Variants in CACHD1 observed in about 807,000 individuals in gnomAD.
CACHD1 encodes the protein cache domain containing 1.
Under a neutral mutation model 138.7 loss-of-function variants are expected in CACHD1, and 71 were observed. The observed-to-expected ratio is 0.51, with a 90% CI of 0.42 to 0.62. The LOEUF (loss-of-function observed/expected upper bound fraction) is 0.62. Among genes scored for constraint, CACHD1 ranks in the 20% least tolerant of loss-of-function variants. CACHD1 has a pLI of 0.00. For synonymous variants in CACHD1, 578 were observed against 591.5 expected (o/e 0.98, Z 0.33); for missense variants, 1,389 against 1,625.3 (o/e 0.85, Z 2.50).
intron 21 of CACHD1, 24 bp downstream of exon 21, chr1:64,676,007 A>G (rs1244368499): frequency 3.4e-6 from 1 of 295,302 alleles, no homozygotes; most frequent in Non-Finnish European, 4.4e-6. Flanking sequence ...TAATAATAAT[A>G]ATAATAATAA....
chr1:64,666,672 T>G (rs1322735654), intron 16 of CACHD1, among the ~76,000 whole-genome samples: 1 of 151,278 alleles, frequency 6.6e-6, no homozygotes, highest in Admixed American at 6.6e-5. Context: ...AGACCAGGAG[T>G]TCCGGACCAG....
At chr1:64,630,864 T>C (rs1037723407) in intron 5 of CACHD1, among the ~76,000 whole-genome samples, 33 of 152,248 alleles carry the variant, frequency 2.2e-4, no homozygotes, top group African/African-American at 8.0e-4. Context: ...CGGAAAGTTT[T>C]CATGTATCTC....
At chr1:64,488,010 T>G (rs970199560) in intron 1 of CACHD1, among the ~76,000 whole-genome samples, 23 of 152,180 alleles carry the variant, frequency 1.5e-4, no homozygotes, top group African/African-American at 5.5e-4. Flanking sequence ...AAGTTTCAAT[T>G]CTTTGACCAA....
rs763403582 is a variant in CACHD1 at position 64,647,987 on chromosome 1, T to C, written c.1343T>C (p.Ile448Thr). ...RFYTNLPNRMIDEAVFSLPFS... is the reference protein window; with the variant it reads ...RFYTNLPNRMTDEAVFSLPFS... Reference sequence around the variant, plus strand: ...TACACAAACCTTCCCAACCGGATGATTGATGAAGCCGTCTTCAGCCTGCCC... The same window carrying C: ...TACACAAACCTTCCCAACCGGATGACTGATGAAGCCGTCTTCAGCCTGCCC... The change falls in exon 9 of 27, where the codon ATT (isoleucine) becomes ACT (threonine). Residue 448 changes from isoleucine (I) to threonine (T), a missense_variant. Coordinates refer to ENST00000651257, the MANE Select transcript of CACHD1 (RefSeq NM_020925.4). 10 of 1,614,010 alleles carry C rather than the reference T, an allele frequency of 6.2e-6. No homozygotes were observed. The highest frequency in any genetic ancestry group is 7.6e-6 in the Non-Finnish European group (9 of 1,179,974).
chr1:64,664,739 A>G, intron 15 of CACHD1, 60 bp downstream of exon 15: 1 of 1,485,700 alleles, frequency 6.7e-7, no homozygotes, highest in Non-Finnish European at 9.2e-7. Flanking sequence ...GAGACATGGT[A>G]AGTACATACA....
chr1:64,691,492 C>T lies in CACHD1; in HGVS notation c.3756C>T (p.His1252=). Residue 1252 remains histidine, a synonymous_variant, in exon 27 of 27, where the codon CAC becomes CAT. Transcript: ENST00000651257. ...AGTTCCACCACTACCGGTCACACCA[C>T]CCTACACTTCATCATAGCCACCACT... ...SHKFHHYRSH[H]PTLHHSHHLQ... The T allele has an allele frequency of 1.2e-6, 2 of 1,614,136 alleles. No individual in the cohort carries two copies. The highest frequency in any genetic ancestry group is 1.7e-6 in the Non-Finnish European group (2 of 1,180,018).
At chr1:64,552,638 T>C (rs1048305464) in intron 2 of CACHD1, among the ~76,000 whole-genome samples, 5 of 152,042 alleles carry the variant, frequency 3.3e-5, no homozygotes, top group African/African-American at 9.7e-5. Context: ...CATGCCCGGC[T>C]GATTTTTTGT....
At chr1:64,505,015 T>A (rs1315340530) in intron 1 of CACHD1, among the ~76,000 whole-genome samples, 1 of 152,200 alleles carries the variant, frequency 6.6e-6, no homozygotes, top group East Asian at 1.9e-4. Flanking sequence ...GACCAAGACT[T>A]CCAAACTTTT....
intron 8 of CACHD1, among the ~76,000 whole-genome samples, chr1:64,643,590 A>C (rs111303300): frequency 0.067 from 10,224 of 152,258 alleles, 442 homozygotes; most frequent in East Asian, 0.23. Context: ...TAATCCCAGC[A>C]CTTTGGGAGG....
chr1:64,552,681 G>A (rs918872284), intron 2 of CACHD1, among the ~76,000 whole-genome samples: 3 of 152,100 alleles, frequency 2.0e-5, no homozygotes, highest in Non-Finnish European at 4.4e-5. Flanking sequence ...GTCTTGCCAT[G>A]TTGCCCAGGC....
chr1:64,613,829 C>T (rs1647612717), intron 4 of CACHD1, among the ~76,000 whole-genome samples: 1 of 152,168 alleles, frequency 6.6e-6, no homozygotes, highest in Non-Finnish European at 1.5e-5. Flanking sequence ...CTAAGTTTAG[C>T]CAGCTTCCCA....
At position 64,470,767 on chromosome 1, in the gene CACHD1, A is replaced by T; in HGVS notation, c.23A>T (p.Glu8Val). The T allele has an allele frequency of 1.2e-6, 1 of 807,216 alleles. No homozygotes were observed. The highest frequency in any genetic ancestry group is 1.9e-6 in the Non-Finnish European group (1 of 523,916). 50.0% of individuals were successfully genotyped at this position (807,216 alleles called of 1,614,324 possible). A position where few individuals can be genotyped will look rare whatever the true frequency, so the allele number is the denominator to read the frequency against. The change falls in exon 1 of 27, where the codon GAG becomes GTG. Residue 8 changes from glutamate to valine, a missense_variant. By Grantham distance (121) the Glu-to-Val change is moderately radical. This residue lies in a region of CACHD1 where 1,000 missense variants were observed against 1,114.7 expected (regional missense o/e 0.90). Coordinates refer to ENST00000651257, the MANE Select transcript of CACHD1 (RefSeq NM_020925.4). This position sits in a 1 kb window ranked among gnomAD's most constrained non-coding sequence, Gnocchi z 5.2. Reference protein sequence around the residue: MARQPEEEETAVARARRP... With the variant: MARQPEEVETAVARARRP... ...AGCATGGCCCGCCAGCCGGAGGAAG[A>T]GGAGACGGCCGTGGCCCGGGCGCGG...
At position 64,678,238 on chromosome 1, in the gene CACHD1, G is replaced by T. The variant is rs747929596; in HGVS notation, c.3172G>T (p.Ala1058Ser). 1 of 1,611,720 alleles carries T rather than the reference G, an allele frequency of 6.2e-7. No homozygotes were observed. The highest frequency in any genetic ancestry group is 1.1e-5 in the South Asian group (1 of 90,438). The change falls in exon 23 of 27, where the codon GCC (alanine) becomes TCC (serine). Residue 1058 changes from alanine to serine, a missense_variant. Ala to Ser is a moderately conservative substitution (Grantham distance 99). This residue lies in a region of CACHD1 where 250 missense variants were observed against 292.9 expected (regional missense o/e 0.85). Transcript: ENST00000651257. ...GACTCACCTGGACAAACCCTACTGT[G>T]CCCCCCAGAAAGAATGCTTCGGGGG... ...GKTHLDKPYC[A>S]PQKECFGGIV...
rs543007896 is a variant in CACHD1, at chr1:64,632,827, A to G, written c.789+84A>G. The G allele has an allele frequency of 6.8e-5, 99 of 1,465,624 alleles. No individual in the cohort carries two copies. In the South Asian group the frequency reaches 6.8e-4, roughly 10 times the overall value. 90.8% of individuals were successfully genotyped at this position (1,465,624 alleles called of 1,614,324 possible). A position where few individuals can be genotyped will look rare whatever the true frequency, so the allele number is the denominator to read the frequency against. On this transcript the variant is annotated intron_variant, in intron 6 of 26. Transcript: ENST00000651257. ...AGTACTTTATTGTTTTGTGATATAC[A>G]GATCCTCCTTGACTTACAATGGGGT...
At chr1:64,495,362 A>C (rs1646299991) in intron 1 of CACHD1, among the ~76,000 whole-genome samples, 2 of 152,218 alleles carry the variant, frequency 1.3e-5, no homozygotes, top group African/African-American at 4.8e-5. Flanking sequence ...TACAGTGTCT[A>C]TGCTATATTC....
chr1:64,641,386 G>A (rs929589965), intron 7 of CACHD1, among the ~76,000 whole-genome samples: 6 of 152,094 alleles, frequency 3.9e-5, no homozygotes, highest in African/African-American at 7.2e-5. Flanking sequence ...TGAAGAGCCC[G>A]AAAGAGTCAT....
At chr1:64,475,131 T>C (rs1646166986) in intron 1 of CACHD1, among the ~76,000 whole-genome samples, 1 of 152,108 alleles carries the variant, frequency 6.6e-6, no homozygotes, top group Admixed American at 6.5e-5. Flanking sequence ...GAGCAACGCT[T>C]CTTTGTATGC....
At chr1:64,603,224 C>A (rs1647249947) in intron 4 of CACHD1, among the ~76,000 whole-genome samples, 1 of 151,288 alleles carries the variant, frequency 6.6e-6, no homozygotes, top group African/African-American at 2.4e-5. Flanking sequence ...CCTGCCTCAG[C>A]CTCCCGAGTA....
intron 1 of CACHD1, among the ~76,000 whole-genome samples, chr1:64,524,416 C>G (rs1646521394): frequency 6.6e-6 from 1 of 152,180 alleles, no homozygotes; most frequent in Admixed American, 6.5e-5. Flanking sequence ...TTGTGAAACA[C>G]AGTTCAGGAT....
Sources: gnomAD v4.1 joint callset for allele counts (sites outside exome capture counted in the v4.1 genomes callset) on GRCh38, gnomAD v4.1.1 for gene constraint, gnomAD v4.1.1 regional missense constraint, Gnocchi (gnomAD v3.1) non-coding constraint, MANE v1.5 for transcripts, NCBI Gene and HGNC (gene_info 2026-07-23, HGNC 2026-07-21) for gene names.